Variants in PTPN21 observed in about 807,000 individuals in gnomAD.
PTPN21 encodes the protein protein tyrosine phosphatase non-receptor type 21, also known as tyrosine-protein phosphatase non-receptor type 21.
In PTPN21, 77 loss-of-function variants were observed where a neutral mutation model predicts 131.8. The observed-to-expected ratio is 0.58, with a 90% CI of 0.49 to 0.71. PTPN21 has a LOEUF of 0.71. Ranked by LOEUF, PTPN21 falls within the 30% of genes least tolerant of loss-of-function variation. The pLI is 0.00. For synonymous variants in PTPN21, 715 were observed against 621.3 expected, an observed-to-expected ratio of 1.15 and a Z score of -2.24; for missense variants, 1,552 against 1,527.1, an observed-to-expected ratio of 1.02 and a Z score of -0.27.
At chr14:88,484,139 T>G (rs1281788577) in intron 12 of PTPN21, among the ~76,000 whole-genome samples, 3 of 150,936 alleles carry the variant, frequency 2.0e-5, no homozygotes, top group Non-Finnish European at 4.4e-5. Context: ...CACCCCCACC[T>G]TGGGCTTAAG....
Position 88,469,971 on chromosome 14 carries a change from A to T in PTPN21, c.2951T>A (p.Met984Lys). 2 of 1,614,078 alleles carry T rather than the reference A, an allele frequency of 1.2e-6. No individual in the cohort carries two copies. The highest frequency in any genetic ancestry group is 1.7e-6 in the Non-Finnish European group (2 of 1,179,950). ...AATTGCAATTCCCTGTTCCCATACCATCTGCCAAAAATCTTGACAGGTATT... is the reference window on the plus strand; with the variant it reads ...AATTGCAATTCCCTGTTCCCATACCTTCTGCCAAAAATCTTGACAGGTATT... ...LQNTCQDFWQMVWEQGIAIIA... is the reference protein window; with the variant it reads ...LQNTCQDFWQKVWEQGIAIIA... Residue 984 changes from methionine (M) to lysine (K), a missense_variant, in exon 16 of 19, where the codon ATG becomes AAG. Coordinates refer to ENST00000556564, the MANE Select transcript of PTPN21 (RefSeq NM_007039.4). The surrounding 1 kb of genome is among the most constrained non-coding windows in gnomAD (Gnocchi z 4.3).
rs761665365 is a variant in PTPN21, at chr14:88,480,124, C to T, written c.1307G>A (p.Arg436Gln). ...GGACGGGGGTATCACGGCGCTGTGC[C>T]GATGGGACGGGAGGTAGTCAGGCCT... ...VMRPDYLPSHRHSAVIPPSYR... is the reference protein window; with the variant it reads ...VMRPDYLPSHQHSAVIPPSYR... Residue 436 changes from arginine (R) to glutamine (Q), a missense_variant, in exon 13 of 19, where the codon CGG becomes CAG. Physicochemically the swap from Arg to Gln is conservative, Grantham distance 43. Coordinates refer to ENST00000556564, the MANE Select transcript of PTPN21 (RefSeq NM_007039.4). 6.2e-7 allele frequency: 1 copy of T among 1,614,122 alleles called. No individual in the cohort carries two copies. Among genetic ancestry groups the T allele is most frequent in the Non-Finnish European group, 8.5e-7 (1 of 1,180,026 alleles).
chr14:88,532,889 C>CA (rs2078573694), intron 2 of PTPN21, among the ~76,000 whole-genome samples: 1 of 152,096 alleles, frequency 6.6e-6, no homozygotes, highest in African/African-American at 2.4e-5. Flanking sequence ...ATTAATTAGT[C>CA]ATGTATTCAA....
intron 13 of PTPN21, among the ~76,000 whole-genome samples, chr14:88,478,375 G>A (rs1037103856): frequency 5.4e-4 from 82 of 152,142 alleles, no homozygotes; most frequent in Non-Finnish European, 7.3e-5. Context: ...CCTTAACAAA[G>A]TGCCACCTTC....
chr14:88,478,786 AAG>A, intron 13 of PTPN21, 132 bp downstream of exon 13: 2 of 498,636 alleles, frequency 4.0e-6, no homozygotes, highest in Admixed American at 4.0e-5. Context: ...ATTAGACAAA[AAG>A]AGAGTGACGT....
chr14:88,528,231 C>T (rs1282927113), intron 2 of PTPN21, among the ~76,000 whole-genome samples: 1 of 152,082 alleles, frequency 6.6e-6, no homozygotes, highest in Non-Finnish European at 1.5e-5. Flanking sequence ...TTATATATTG[C>T]TTTTGGCAAT....
intron 12 of PTPN21, among the ~76,000 whole-genome samples, chr14:88,481,751 C>T (rs979828529): frequency 2.9e-4 from 44 of 152,074 alleles, no homozygotes; most frequent in Non-Finnish European, 1.3e-4. Context: ...GTTAAGGGGA[C>T]TTGAGGGGTA....
intron 2 of PTPN21, chr14:88,547,726 C>G (rs73317757): frequency 0.067 from 30,032 of 450,978 alleles, 1,627 homozygotes; most frequent in African/African-American, 0.2. Flanking sequence ...TCTTCTTCTT[C>G]GGCAGTTTCA....
chr14:88,483,384 G>A (rs367805263), intron 12 of PTPN21, among the ~76,000 whole-genome samples: 2 of 152,014 alleles, frequency 1.3e-5, no homozygotes, highest in Admixed American at 6.6e-5. Flanking sequence ...GGGAGGGGCC[G>A]GGATTGCAAA....
chr14:88,468,837 A>C, intron 18 of PTPN21, 79 bp downstream of exon 18: 5 of 1,565,488 alleles, frequency 3.2e-6, no homozygotes, highest in Non-Finnish European at 4.4e-6. Context: ...GCGCAAAAAG[A>C]GCTATTAAGT....
chr14:88,505,623 T>C (rs756164307), intron 4 of PTPN21, among the ~76,000 whole-genome samples: 1 of 152,194 alleles, frequency 6.6e-6, no homozygotes, highest in Non-Finnish European at 1.5e-5. Context: ...TAATATGATC[T>C]CATTTTACAG....
In PTPN21 at chr14:88,550,218, A is replaced by C. The variant is rs200527355; in HGVS notation, c.180+20T>G. 1.9e-6 allele frequency: 3 copies of C among 1,607,498 alleles called. No homozygotes were observed. The highest frequency in any genetic ancestry group is 2.5e-6 in the Non-Finnish European group (3 of 1,177,558). On this transcript the variant is annotated intron_variant, in intron 2 of 18. Coordinates refer to ENST00000556564, the MANE Select transcript of PTPN21 (RefSeq NM_007039.4). ...CTTGAGCCACCCGCGCCTGGCCTGCAGTGTCTTTAGGTGGCTTACCTCCCG... is the reference window on the plus strand; with the variant it reads ...CTTGAGCCACCCGCGCCTGGCCTGCCGTGTCTTTAGGTGGCTTACCTCCCG...
intron 2 of PTPN21, among the ~76,000 whole-genome samples, chr14:88,532,274 A>G (rs1355195735): frequency 6.6e-6 from 1 of 152,206 alleles, no homozygotes; most frequent in Non-Finnish European, 1.5e-5. Context: ...AGCCAGCATT[A>G]CCCTAATACC....
At chr14:88,473,384 T>A (rs562736236) in intron 14 of PTPN21, among the ~76,000 whole-genome samples, 1 of 152,106 alleles carries the variant, frequency 6.6e-6, no homozygotes, top group Non-Finnish European at 1.5e-5. Flanking sequence ...TCTTCTCACT[T>A]TAAGGCCATC....
chr14:88,509,136 T>C (rs2078141174), intron 3 of PTPN21, among the ~76,000 whole-genome samples: 1 of 149,702 alleles, frequency 6.7e-6, no homozygotes, highest in Admixed American at 6.6e-5. Flanking sequence ...GCCACTCACT[T>C]CTCCATTTTG....
chr14:88,484,750 C>T (rs1474415089), intron 12 of PTPN21, among the ~76,000 whole-genome samples: 1 of 151,974 alleles, frequency 6.6e-6, no homozygotes, highest in East Asian at 1.9e-4. Context: ...ATTAGCCAGG[C>T]GTGGTGGCGT....
Position 88,507,988 on chromosome 14 carries a change from A to G in PTPN21, c.383T>C (p.Ile128Thr), listed in dbSNP as rs747444178. 1.9e-6 allele frequency: 3 copies of G among 1,606,498 alleles called. No individual in the cohort carries two copies. Among genetic ancestry groups the G allele is most frequent in the Middle Eastern group, 2.2e-4 (1 of 4,610 alleles). ...YQYYLQLKKD[I>T]LEGSIPCTLE... Reference sequence around the variant, plus strand: ...GGTACAAGGAATACTTCCTTCCAAGATATCTTTCTTCAGTTGCAGATAATA... The same window carrying G: ...GGTACAAGGAATACTTCCTTCCAAGGTATCTTTCTTCAGTTGCAGATAATA... Residue 128 changes from isoleucine to threonine, a missense_variant, in exon 4 of 19, where the codon ATC becomes ACC. Physicochemically the swap from Ile to Thr is moderately conservative, Grantham distance 89. Transcript: ENST00000556564.
chr14:88,548,192 C>T (rs774630666), intron 2 of PTPN21, among the ~76,000 whole-genome samples: 9 of 152,172 alleles, frequency 5.9e-5, no homozygotes, highest in African/African-American at 9.7e-5. Flanking sequence ...AACCACTCCC[C>T]TCAAATCATT....
intron 10 of PTPN21, among the ~76,000 whole-genome samples, chr14:88,492,215 A>G (rs1485319274): frequency 6.6e-6 from 1 of 152,220 alleles, no homozygotes; most frequent in Non-Finnish European, 1.5e-5. Context: ...CTCTTAACTT[A>G]TTAAAGTCTT....
Sources: allele counts gnomAD v4.1 joint callset (sites outside exome capture counted in the v4.1 genomes callset), GRCh38; gene constraint gnomAD v4.1.1; non-coding constraint Gnocchi (gnomAD v3.1); transcripts MANE v1.5; gene names NCBI Gene and HGNC (gene_info 2026-07-23, HGNC 2026-07-21).